PILRB: variants seen among roughly 807,000 people sequenced by gnomAD.
PILRB encodes paired immunoglobulin-like type 2 receptor beta.
In PILRB, 21 loss-of-function variants were observed where a neutral mutation model predicts 20.5. The ratio of observed to expected loss-of-function variants is 1.02; its 90% CI spans 0.72 to 1.47. PILRB has a LOEUF of 1.47. Among genes scored for constraint, PILRB ranks in the 40% most tolerant of loss-of-function variants. PILRB has a pLI of 0.00. For synonymous variants in PILRB, 133 were observed against 115.1 expected (o/e 1.16, Z -0.99); for missense variants, 253 against 272.1 (o/e 0.93, Z 0.49).
chr7:100,362,007 T>C (rs532898805), intron 3 of PILRB, among the ~76,000 whole-genome samples: 11 of 152,236 alleles, frequency 7.2e-5, no homozygotes, highest in Admixed American at 3.3e-4. Context: ...CCTGTGATTC[T>C]AGCAGAAAAT....
chr7:100,365,076 T>G (rs1358640371), intron 3 of PILRB, among the ~76,000 whole-genome samples: 1 of 152,254 alleles, frequency 6.6e-6, no homozygotes, highest in Non-Finnish European at 1.5e-5. Flanking sequence ...CTCAGTTCAC[T>G]GCAACCTCCG....
rs563802661 is a variant in PILRB at position 100,365,477 on chromosome 7, G to A, written c.656-1872G>A. ...GGAAGCAGAAAGGTGGTTGTCAGGG[G>A]CACAGAGGAGATGAGAATGGAGAGT... On this transcript the variant is annotated intron_variant, in intron 3 of 3. Coordinates refer to ENST00000609309, the MANE Select transcript of PILRB (RefSeq NM_178238.4). Among the ~76,000 whole-genome samples the A allele has an allele frequency of 1.2e-4, 18 of 152,274 alleles. No individual in the cohort carries two copies. In the South Asian group the frequency reaches 3.7e-3, roughly 32 times the overall value.
In PILRB at chr7:100,365,040, C is replaced by A. The variant is rs1043547213; in HGVS notation, c.656-2309C>A. ...TTTGAGACAAAGTCCTGCTTTGTCA[C>A]CCAGGCTGGAGTGCAGCAGTGCAAT... is the stretch of plus-strand genomic sequence containing the variant. On this transcript the variant is annotated intron_variant, in intron 3 of 3. Coordinates refer to ENST00000609309, the MANE Select transcript of PILRB (RefSeq NM_178238.4). Among the ~76,000 whole-genome samples, 3 of 152,284 alleles carry A rather than the reference C, an allele frequency of 2.0e-5. No homozygotes were observed. In the South Asian group the frequency reaches 6.2e-4, roughly 32 times the overall value.
chr7:100,366,017 G>A (rs1027532193), intron 3 of PILRB, among the ~76,000 whole-genome samples: 3 of 147,884 alleles, frequency 2.0e-5, no homozygotes, highest in African/African-American at 5.0e-5. Flanking sequence ...GCAGTGGTGC[G>A]ATCTTGGCTC....
intron 3 of PILRB, among the ~76,000 whole-genome samples, chr7:100,361,757 G>A (rs964911282): frequency 3.3e-5 from 5 of 152,124 alleles, no homozygotes; most frequent in African/African-American, 1.2e-4. Context: ...AAAGCACAGA[G>A]GGGAGGAACA....
intron 3 of PILRB, among the ~76,000 whole-genome samples, chr7:100,363,399 G>T (rs1247164309): frequency 6.6e-6 from 1 of 152,032 alleles, no homozygotes; most frequent in African/African-American, 2.4e-5. Context: ...AATCTGAAAA[G>T]AAAATTAAGA....
rs553051218 is a variant in PILRB, at chr7:100,359,435, A to G, written c.553A>G (p.Ser185Gly). 13 of 1,614,168 alleles carry G rather than the reference A, an allele frequency of 8.1e-6. No homozygotes were observed. The highest frequency in any genetic ancestry group is 1.7e-5 in the Admixed American group (1 of 60,014). The change falls in exon 3 of 4, where the codon AGT (serine) becomes GGT (glycine). Residue 185 changes from serine to glycine, a missense_variant. Coordinates refer to ENST00000609309, the MANE Select transcript of PILRB (RefSeq NM_178238.4). ...SKGHSESWHL[S>G]LDTAIRVALA... ...AGGGCACTCAGAATCATGGCACCTAAGTCTGGACACTGCCATCAGGGTTGC... is the reference window on the plus strand; with the variant it reads ...AGGGCACTCAGAATCATGGCACCTAGGTCTGGACACTGCCATCAGGGTTGC...
chr7:100,360,358 A>G (rs1347158658), intron 3 of PILRB, among the ~76,000 whole-genome samples: 1 of 148,784 alleles, frequency 6.7e-6, no homozygotes, highest in Non-Finnish European at 1.5e-5. Flanking sequence ...GGTATTGCTA[A>G]ACAAGGGTGG....
intron 3 of PILRB, among the ~76,000 whole-genome samples, chr7:100,365,620 C>A (rs7799023): frequency 2.0e-5 from 3 of 151,954 alleles, no homozygotes; most frequent in African/African-American, 7.2e-5. Flanking sequence ...GGAGTTCGAG[C>A]CCAGCCTGGC....
intron 3 of PILRB, among the ~76,000 whole-genome samples, chr7:100,362,973 C>T (rs1352274535): frequency 6.6e-6 from 1 of 151,800 alleles, no homozygotes; most frequent in Non-Finnish European, 1.5e-5. Flanking sequence ...GAAGGATGCC[C>T]GATCTCACTA....
intron 3 of PILRB, among the ~76,000 whole-genome samples, chr7:100,365,251 C>T (rs1382407966): frequency 5.3e-5 from 8 of 152,120 alleles, no homozygotes; most frequent in Admixed American, 3.3e-4. Context: ...CCACCCACCT[C>T]GGCCTTCCAA....
At chr7:100,367,145 C>T (rs2130130308) in intron 3 of PILRB, among the ~76,000 whole-genome samples, 1 of 152,224 alleles carries the variant, frequency 6.6e-6, no homozygotes, top group South Asian at 2.1e-4. Context: ...TGGGCCTCCC[C>T]AAGGGAGTGG....
At chr7:100,365,949 GTTT>G (rs769960565) in intron 3 of PILRB, among the ~76,000 whole-genome samples, 2 of 127,806 alleles carry the variant, frequency 1.6e-5, no homozygotes, top group Admixed American at 7.9e-5. Context: ...ATTCTAGGTG[GTTT>G]TTTTTTTTTT....
chr7:100,363,383 A>G (rs1030108943), intron 3 of PILRB, among the ~76,000 whole-genome samples: 3 of 152,230 alleles, frequency 2.0e-5, no homozygotes, highest in Admixed American at 1.3e-4. Context: ...TGCACTAAAC[A>G]TAAACAATCT....
chr7:100,361,871 C>T (rs936432553), intron 3 of PILRB, among the ~76,000 whole-genome samples: 5 of 152,048 alleles, frequency 3.3e-5, no homozygotes, highest in African/African-American at 7.2e-5. Context: ...CATGGAAGCA[C>T]GTGAGATTAT....
chr7:100,358,362 G>T lies in PILRB; in HGVS notation c.60G>T (p.Gln20His), dbSNP rs887325950. 1 of 1,612,432 alleles carries T rather than the reference G, an allele frequency of 6.2e-7. No homozygotes were observed. Among genetic ancestry groups the T allele is most frequent in the Admixed American group, 1.7e-5 (1 of 60,028 alleles). Residue 20 changes from glutamine (Q) to histidine (H), a missense_variant, in exon 1 of 4, where the codon CAG becomes CAT. Coordinates refer to ENST00000609309, the MANE Select transcript of PILRB (RefSeq NM_178238.4). ...TGCTGCAGCCGCCAGCATTTCTGCA[G>T]CCTGGTGAGTACCCAGGACCGCCCA... ...LLLLQPPAFLQPGGSTGSGPS... is the reference protein window; with the variant it reads ...LLLLQPPAFLHPGGSTGSGPS...
At chr7:100,361,171 G>A (rs1263160502) in intron 3 of PILRB, among the ~76,000 whole-genome samples, 3 of 152,016 alleles carry the variant, frequency 2.0e-5, no homozygotes, top group African/African-American at 7.2e-5. Flanking sequence ...TCCTGACCTC[G>A]TGATCCGCCT....
At chr7:100,360,315 C>G (rs1220528551) in intron 3 of PILRB, among the ~76,000 whole-genome samples, 3 of 152,214 alleles carry the variant, frequency 2.0e-5, no homozygotes, top group Non-Finnish European at 2.9e-5. Flanking sequence ...TCAGTTGCCT[C>G]AAGGACTAAT....
rs751092449 is a variant in PILRB at position 100,359,419 on chromosome 7, A to G, written c.537A>G (p.Ser179=). 9 of 1,614,092 alleles carry G rather than the reference A, an allele frequency of 5.6e-6. No homozygotes were observed. The highest frequency in any genetic ancestry group is 1.7e-6 in the Non-Finnish European group (2 of 1,180,040). ...GLRVTESKGH[S]ESWHLSLDTA... ...GGGTCACAGAAAGCAAAGGGCACTC[A>G]GAATCATGGCACCTAAGTCTGGACA... Residue 179 remains serine (S), a synonymous_variant, in exon 3 of 4, where the codon TCA becomes TCG. Coordinates refer to ENST00000609309, the MANE Select transcript of PILRB (RefSeq NM_178238.4).
Sources: gnomAD v4.1 joint callset for allele counts (sites outside exome capture counted in the v4.1 genomes callset) on GRCh38, gnomAD v4.1.1 for gene constraint, MANE v1.5 for transcripts, NCBI Gene and HGNC (gene_info 2026-07-23, HGNC 2026-07-21) for gene names.